The following CFAP206 variants were observed in gnomAD, a reference collection of about 807,000 sequenced individuals.
CFAP206 encodes cilia and flagella associated protein 206.
A neutral mutation model predicts 65.4 loss-of-function variants in CFAP206; 53 were observed. That is an observed-to-expected ratio of 0.81 (90% CI 0.65 to 1.02). The LOEUF (loss-of-function observed/expected upper bound fraction) is 1.02, where lower values mean the gene tolerates loss of function less well. CFAP206 is among the 50% of genes least tolerant of loss of function. CFAP206 has a pLI of 0.00. For missense variants in CFAP206, 663 were observed against 753.2 expected, an observed-to-expected ratio of 0.88 and a Z score of 1.40; for synonymous variants, 250 against 254.4, an observed-to-expected ratio of 0.98 and a Z score of 0.17.
chr6:87,409,295 C>A (rs9450673), intron 1 of CFAP206, among the ~76,000 whole-genome samples: 38,558 of 150,350 alleles, frequency 0.26, 5,322 homozygotes, highest in Admixed American at 0.37. Context: ...GGCACCGCAA[C>A]CTCCGCCTCC....
intron 11 of CFAP206, chr6:87,445,238 G>A (rs916390083): frequency 3.4e-5 from 9 of 262,832 alleles, no homozygotes; most frequent in African/African-American, 2.1e-4. Context: ...GGATACATGT[G>A]CAGGACATGC....
intron 11 of CFAP206, among the ~76,000 whole-genome samples, chr6:87,442,809 T>G (rs1441254992): frequency 6.6e-6 from 1 of 152,190 alleles, no homozygotes; most frequent in Non-Finnish European, 1.5e-5. Context: ...CAACTTTGCA[T>G]TCCTGGGCTC....
In CFAP206 at chr6:87,464,441, A is replaced by T; in HGVS notation, c.*191A>T. On this transcript the variant is annotated 3_prime_UTR_variant, in exon 13 of 13. Coordinates refer to ENST00000369562, the MANE Select transcript of CFAP206 (RefSeq NM_001031743.3). ...ATTTTTCATTCTGTTGAAATTGAAAAATAAAACTGTCCATTTATCTTTTAT... is the reference window on the plus strand; with the variant it reads ...ATTTTTCATTCTGTTGAAATTGAAATATAAAACTGTCCATTTATCTTTTAT... The T allele has an allele frequency of 2.4e-6, 1 of 424,266 alleles. No homozygotes were observed. Among genetic ancestry groups the T allele is most frequent in the African/African-American group, 2.0e-5 (1 of 50,838 alleles). The allele number at this position is 424,266 out of a possible 1,614,324, so 26.3% of individuals were successfully genotyped here.
intron 11 of CFAP206, among the ~76,000 whole-genome samples, chr6:87,454,539 A>G (rs925133326): frequency 3.3e-5 from 5 of 152,120 alleles, no homozygotes; most frequent in Non-Finnish European, 7.4e-5. Context: ...AGCTTCTCTA[A>G]TCATAATGGA....
intron 11 of CFAP206, among the ~76,000 whole-genome samples, chr6:87,445,388 G>T (rs941352892): frequency 2.0e-5 from 3 of 151,832 alleles, no homozygotes; most frequent in Non-Finnish European, 4.4e-5. Flanking sequence ...GCCCCACTGT[G>T]TGTTGTTCCT....
At chr6:87,431,710 G>C (rs761981414) in intron 10 of CFAP206, among the ~76,000 whole-genome samples, 3 of 152,182 alleles carry the variant, frequency 2.0e-5, no homozygotes, top group Non-Finnish European at 4.4e-5. Flanking sequence ...AGATTGCAGC[G>C]AGCTGAGATA....
chr6:87,434,168 G>A (rs1056724512), intron 10 of CFAP206, among the ~76,000 whole-genome samples: 2 of 152,000 alleles, frequency 1.3e-5, no homozygotes, highest in Non-Finnish European at 2.9e-5. Flanking sequence ...TCGGGAGGCC[G>A]AAGTGAGCAG....
chr6:87,412,366 G>T (rs142288496), intron 3 of CFAP206, among the ~76,000 whole-genome samples: 1 of 152,150 alleles, frequency 6.6e-6, no homozygotes, highest in African/African-American at 2.4e-5. Flanking sequence ...CAGGGAGATG[G>T]GTTGAGAGTG....
intron 11 of CFAP206, among the ~76,000 whole-genome samples, chr6:87,460,252 A>T (rs1768721587): frequency 6.6e-6 from 1 of 152,198 alleles, no homozygotes; most frequent in South Asian, 2.1e-4. Flanking sequence ...GTGAATTCTT[A>T]ATATTGGGTT....
intron 1 of CFAP206, among the ~76,000 whole-genome samples, chr6:87,409,521 C>CTT (rs71554717): frequency 3.6e-5 from 5 of 137,962 alleles, no homozygotes; most frequent in African/African-American, 1.1e-4. Flanking sequence ...CCTGCTTAGC[C>CTT]TTTTTTTTTT....
At chr6:87,408,542 A>G (rs1483100346) in intron 1 of CFAP206, 1 of 71,754 alleles carries the variant, frequency 1.4e-5, no homozygotes, top group East Asian at 3.3e-4. Flanking sequence ...GCGCACACAG[A>G]TCCGGAGCGC....
rs572436053 is a variant in CFAP206 at position 87,421,944 on chromosome 6, C to G, written c.840+3528C>G. Among the ~76,000 whole-genome samples, 46 of 152,144 alleles carry G rather than the reference C, an allele frequency of 3.0e-4. 1 individual carries two copies. Among genetic ancestry groups the G allele is most frequent in the African/African-American group, 1.0e-3 (42 of 41,504 alleles). ...AACATTAAACATCAGAGATTCCATT[C>G]TAATTTCTGCTTCTATAAGTTTGAC... On this transcript the variant is annotated intron_variant, in intron 7 of 12. Transcript: ENST00000369562.
At chr6:87,420,281 A>G (rs1767916205) in intron 7 of CFAP206, among the ~76,000 whole-genome samples, 1 of 152,234 alleles carries the variant, frequency 6.6e-6, no homozygotes, top group Non-Finnish European at 1.5e-5. Flanking sequence ...TTCAGAGGTG[A>G]TATTATAAGA....
intron 7 of CFAP206, among the ~76,000 whole-genome samples, chr6:87,425,193 T>A (rs543929902): frequency 1.3e-5 from 2 of 152,312 alleles, no homozygotes; most frequent in African/African-American, 4.8e-5. Flanking sequence ...AAACTTTTAG[T>A]TTCTTGAAAA....
chr6:87,452,457 A>G (rs1288985293), intron 11 of CFAP206, among the ~76,000 whole-genome samples: 1 of 152,158 alleles, frequency 6.6e-6, no homozygotes, highest in Non-Finnish European at 1.5e-5. Context: ...ACCATCCAGG[A>G]AAACATGACC....
chr6:87,454,420 C>A (rs1467757624), intron 11 of CFAP206, among the ~76,000 whole-genome samples: 1 of 152,166 alleles, frequency 6.6e-6, no homozygotes, highest in African/African-American at 2.4e-5. Flanking sequence ...TCAAAGGCGA[C>A]AGAATACATA....
At chr6:87,450,379 G>A (rs1241877388) in intron 11 of CFAP206, among the ~76,000 whole-genome samples, 10 of 151,820 alleles carry the variant, frequency 6.6e-5, no homozygotes, top group African/African-American at 1.4e-4. Context: ...TAGGGATTGC[G>A]TTGAATTTGT....
intron 7 of CFAP206, among the ~76,000 whole-genome samples, chr6:87,419,080 C>CTGGCATGGG (rs11275180): frequency 0.34 from 51,882 of 151,326 alleles, 9,741 homozygotes; most frequent in African/African-American, 0.51. Flanking sequence ...CCACTGCACT[C>CTGGCATGGG]TGACAGAGGG....
intron 7 of CFAP206, among the ~76,000 whole-genome samples, chr6:87,418,688 G>T (rs1162234684): frequency 1.3e-5 from 2 of 152,218 alleles, no homozygotes; most frequent in Non-Finnish European, 2.9e-5. Flanking sequence ...TGGTGTATAT[G>T]TAAGTAATAC....
Sources: gnomAD v4.1 joint callset for allele counts (sites outside exome capture counted in the v4.1 genomes callset) on GRCh38, gnomAD v4.1.1 for gene constraint, MANE v1.5 for transcripts, NCBI Gene and HGNC (gene_info 2026-07-23, HGNC 2026-07-21) for gene names.